Variants in TSPAN17 observed in about 807,000 individuals in gnomAD.
The protein encoded by TSPAN17 is tetraspanin 17, also known as tetraspanin-17.
TSPAN17 carries 33 observed loss-of-function variants against 40.5 expected under a neutral mutation model. That is an observed-to-expected ratio of 0.81 (90% CI 0.62 to 1.09). TSPAN17 has a LOEUF of 1.09. Among genes scored for constraint, TSPAN17 ranks in the 50% least tolerant of loss-of-function variants. The probability of loss-of-function intolerance (pLI) is 0.00; values close to 1 mark genes in which losing one functional copy is unlikely to be tolerated. For synonymous variants in TSPAN17, 166 were observed against 169.4 expected (o/e 0.98, Z 0.15); for missense variants, 365 against 416.8 (o/e 0.88, Z 1.08).
In TSPAN17 at chr5:176,657,915, G is replaced by A. The variant is rs533935848; in HGVS notation, c.*217G>A. On this transcript the variant is annotated 3_prime_UTR_variant, in exon 9 of 9. Transcript: ENST00000508164. ...ATTCCCTGCACCTCGAGGCCGCTGC[G>A]GGCCAATCTGGAGTGAAACACGGGG... 10 of 760,590 alleles carry A rather than the reference G, an allele frequency of 1.3e-5. No homozygotes were observed. Among genetic ancestry groups the A allele is most frequent in the East Asian group, 3.5e-5 (1 of 28,760 alleles). The allele number at this position is 760,590 out of a possible 1,614,324, so 47.1% of individuals were successfully genotyped here.
At chr5:176,652,953 C>A in intron 4 of TSPAN17, 40 bp downstream of exon 4, 1 of 1,603,810 alleles carries the variant, frequency 6.2e-7, no homozygotes, top group Non-Finnish European at 8.5e-7. Flanking sequence ...GTAGGAGGCG[C>A]CTTCCTGGCA....
At chr5:176,656,187 T>C (rs1281503231) in intron 6 of TSPAN17, 62 bp downstream of exon 6, 2 of 1,555,896 alleles carry the variant, frequency 1.3e-6, no homozygotes, top group East Asian at 4.5e-5. Context: ...GGTATGAGAG[T>C]GTCTATAACC....
At position 176,651,899 on chromosome 5, in the gene TSPAN17, T is replaced by C; in HGVS notation, c.284T>C (p.Phe95Ser). The C allele has an allele frequency of 6.2e-7, 1 of 1,613,856 alleles. No homozygotes were observed. The highest frequency in any genetic ancestry group is 8.5e-7 in the Non-Finnish European group (1 of 1,179,996). The change falls in exon 3 of 9, where the codon TTT becomes TCT. Residue 95 changes from phenylalanine (F) to serine (S), a missense_variant and splice_region_variant. By Grantham distance (155) the Phe-to-Ser change is radical (BLOSUM62 -2). Coordinates refer to ENST00000508164, the MANE Select transcript of TSPAN17 (RefSeq NM_130465.5). The surrounding 1 kb of genome is among the most constrained non-coding windows in gnomAD (Gnocchi z 4.5). ...ALRENTFLLK[F>S]FSVFLGLIFF... is the part of the protein sequence containing the mutation. ...CGGGAGAACACCTTCCTGCTCAAGTTTGTGAGTGCTGCCCTCAAGATCCCC... is the reference window on the plus strand; with the variant it reads ...CGGGAGAACACCTTCCTGCTCAAGTCTGTGAGTGCTGCCCTCAAGATCCCC...
chr5:176,658,079 A>T lies in TSPAN17; in HGVS notation c.*381A>T, dbSNP rs967613529. On this transcript the variant is annotated 3_prime_UTR_variant, in exon 9 of 9. Coordinates refer to ENST00000508164, the MANE Select transcript of TSPAN17 (RefSeq NM_130465.5). The stretch of plus-strand genomic sequence containing the variant: ...GGATGGGGGTCAGGACAATTTTGCA[A>T]AAGAAGTAGCTGGAAGCCATGGGAC... 1.2e-5 allele frequency: 2 copies of T among 168,518 alleles called. No homozygotes were observed. The highest frequency in any genetic ancestry group is 4.8e-5 in the African/African-American group (2 of 41,836). 10.4% of individuals were successfully genotyped at this position (168,518 alleles called of 1,614,324 possible).
At chr5:176,648,429 C>T (rs1048127756) in intron 1 of TSPAN17, among the ~76,000 whole-genome samples, 2 of 152,230 alleles carry the variant, frequency 1.3e-5, no homozygotes, top group African/African-American at 2.4e-5. Context: ...CCCAGGGTGG[C>T]ATCTGTCCCC....
Position 176,657,549 on chromosome 5 carries a change from T to A in TSPAN17, c.841T>A (p.Trp281Arg). 6.2e-7 allele frequency: 1 copy of A among 1,608,352 alleles called. No homozygotes were observed. The highest frequency in any genetic ancestry group is 8.5e-7 in the Non-Finnish European group (1 of 1,176,726). The change falls in exon 9 of 9, where the codon TGG (tryptophan) becomes AGG (arginine). Residue 281 changes from tryptophan to arginine, a missense_variant. By Grantham distance (101) the Trp-to-Arg change is moderately radical. Coordinates refer to ENST00000508164, the MANE Select transcript of TSPAN17 (RefSeq NM_130465.5). ...ATGGAATGATGACTTTGAAAACCAC[T>A]GGCTTACGCCCACCATTTCCGAGGT... is the stretch of plus-strand genomic sequence containing the variant. ...SKWNDDFENH[W>R]LTPTISEVLS...
intron 8 of TSPAN17, 43 bp downstream of exon 8, chr5:176,656,999 G>T: frequency 6.3e-7 from 1 of 1,589,842 alleles, no homozygotes; most frequent in South Asian, 1.1e-5. Context: ...GGCCTACGCA[G>T]GCCTCTGGGG....
chr5:176,653,010 C>T, intron 4 of TSPAN17, 97 bp downstream of exon 4: 1 of 1,373,830 alleles, frequency 7.3e-7, no homozygotes, highest in Non-Finnish European at 1.0e-6. Flanking sequence ...TCTCCTTACC[C>T]ACCTGGGCTA....
At position 176,652,821 on chromosome 5, in the gene TSPAN17, C is replaced by T. The variant is rs536743163; in HGVS notation, c.364C>T (p.Arg122Ter). 1.9e-6 allele frequency: 3 copies of T among 1,614,180 alleles called. No individual in the cohort carries two copies. Among genetic ancestry groups the T allele is most frequent in the South Asian group, 1.1e-5 (1 of 91,076 alleles). ...GGCCTTTGTCTTCAAGGACTGGATT[C>T]GAGACCAGCTCAACCTCTTCATCAA... ...ILAFVFKDWI[R>*]DQLNLFINNN... Residue 122 changes from arginine to a stop codon, truncating the protein, a stop_gained, in exon 4 of 9, where the codon CGA becomes TGA. Coordinates refer to ENST00000508164, the MANE Select transcript of TSPAN17 (RefSeq NM_130465.5). LOFTEE classifies it high-confidence loss of function.
chr5:176,649,104 ATCTGGCTTCTGT>A (rs1344713640), intron 1 of TSPAN17, among the ~76,000 whole-genome samples: 32 of 151,878 alleles, frequency 2.1e-4, no homozygotes, highest in African/African-American at 6.1e-4. Context: ...GATGGGTCTG[ATCTGGCTTCTGT>A]TCTGGAGACC....
chr5:176,656,805 G>A lies in TSPAN17; in HGVS notation c.736G>A (p.Ala246Thr), dbSNP rs775926076. ...GGTGGCGGGAGTCTTCATGGGCATC[G>A]CCCTCCTCCAGGTACCCTTGTGGCC... ...IVVAGVFMGI[A>T]LLQIFGICLA... Residue 246 changes from alanine (A) to threonine (T), a missense_variant, in exon 7 of 9, where the codon GCC (alanine) becomes ACC (threonine). Coordinates refer to ENST00000508164, the MANE Select transcript of TSPAN17 (RefSeq NM_130465.5). 9.9e-6 allele frequency: 16 copies of A among 1,614,076 alleles called. No individual in the cohort carries two copies. Among genetic ancestry groups the A allele is most frequent in the Middle Eastern group, 1.6e-4 (1 of 6,084 alleles).
rs1365418486 is a variant in TSPAN17 at position 176,647,704 on chromosome 5, T to C, written c.87+2T>C. On this transcript the variant is annotated splice_donor_variant, in intron 1 of 8. Transcript: ENST00000508164. LOFTEE classifies it high-confidence loss of function. ...TTTGGCTTCAACATTGTCTTCTGGG[T>C]GAGCGCGGGGTCTGCGCCTTGCCCT... 1 of 1,587,336 alleles carries C rather than the reference T, an allele frequency of 6.3e-7. No homozygotes were observed.
chr5:176,654,958 G>C lies in TSPAN17; in HGVS notation c.520G>C (p.Asp174His). 1 of 1,613,608 alleles carries C rather than the reference G, an allele frequency of 6.2e-7. No individual in the cohort carries two copies. Among genetic ancestry groups the C allele is most frequent in the Non-Finnish European group, 8.5e-7 (1 of 1,179,828 alleles). Reference sequence around the variant, plus strand: ...CCTCAATATCTACTTCAACTGCACTGACTTGAACCCCAGCCGGGAGCGCTG... The same window carrying C: ...CCTCAATATCTACTTCAACTGCACTCACTTGAACCCCAGCCGGGAGCGCTG... The part of the protein sequence containing the change: ...WNLNIYFNCT[D>H]LNPSRERCGV... The change falls in exon 5 of 9, where the codon GAC becomes CAC. Residue 174 changes from aspartate (D) to histidine (H), a missense_variant. Physicochemically the swap from Asp to His is moderately conservative, Grantham distance 81. Transcript: ENST00000508164. The surrounding 1 kb of genome is among the most constrained non-coding windows in gnomAD (Gnocchi z 4.3).
At chr5:176,652,936 G>C (rs1303399374) in intron 4 of TSPAN17, 23 bp downstream of exon 4, 71 of 1,612,906 alleles carry the variant, frequency 4.4e-5, no homozygotes, top group Non-Finnish European at 6.0e-5. Context: ...TCCAGCCTGG[G>C]ACACCTGTAG....
intron 8 of TSPAN17, 37 bp downstream of exon 8, chr5:176,656,993 T>A (rs75345917): frequency 0.019 from 30,155 of 1,602,176 alleles, 886 homozygotes; most frequent in African/African-American, 0.13. Flanking sequence ...ATGCCTGGCC[T>A]ACGCAGGCCT....
At chr5:176,657,093 G>C (rs745725587) in intron 8 of TSPAN17, 137 bp downstream of exon 8, 2 of 921,002 alleles carry the variant, frequency 2.2e-6, no homozygotes, top group South Asian at 3.4e-5. Context: ...TGAGGGGTTC[G>C]CCTGAACCGC....
At chr5:176,653,906 G>T (rs1761058613) in intron 4 of TSPAN17, 2 of 152,270 alleles carry the variant, frequency 1.3e-5, no homozygotes, top group African/African-American at 4.8e-5. Context: ...AGGGCTGGCA[G>T]TCGGGAAGAG....
chr5:176,647,776 A>T, intron 1 of TSPAN17, 74 bp downstream of exon 1: 1 of 1,378,786 alleles, frequency 7.3e-7, no homozygotes, highest in South Asian at 1.3e-5. Context: ...TTGCTGGGGG[A>T]GACCACTCCC....
rs755649733 is a variant in TSPAN17 at position 176,652,480 on chromosome 5, G to A, written c.286-263G>A. Among the ~76,000 whole-genome samples the A allele has an allele frequency of 3.1e-4, 47 of 152,152 alleles. 1 individual carries two copies. Among genetic ancestry groups the A allele is most frequent in the Non-Finnish European group, 2.4e-4 (16 of 68,036 alleles). ...GGGGAGGTGTCTCCATCCGAACCTT[G>A]GAAACTAAAGGTTTGCATGGAGGAT... On this transcript the variant is annotated intron_variant, in intron 3 of 8. Coordinates refer to ENST00000508164, the MANE Select transcript of TSPAN17 (RefSeq NM_130465.5).
Sources: gnomAD v4.1 joint callset for allele counts (sites outside exome capture counted in the v4.1 genomes callset) on GRCh38, gnomAD v4.1.1 for gene constraint, Gnocchi (gnomAD v3.1) non-coding constraint, MANE v1.5 for transcripts, NCBI Gene and HGNC (gene_info 2026-07-23, HGNC 2026-07-21) for gene names.